Variants in RANBP2 observed in about 807,000 individuals in gnomAD.
RANBP2 encodes RAN binding protein 2, also known as E3 SUMO-protein ligase RanBP2.
RANBP2 carries 57 observed loss-of-function variants against 303.6 expected under a neutral mutation model. The observed-to-expected ratio is 0.19, with a 90% CI of 0.15 to 0.23. The LOEUF is 0.23. RANBP2 is among the 10% of genes least tolerant of loss of function. The pLI, the probability that RANBP2 is intolerant of heterozygous loss-of-function variation, is 1.00. For synonymous variants in RANBP2, 1,167 were observed against 1,301.5 expected (o/e 0.90, Z 2.23); for missense variants, 3,138 against 3,780.8 (o/e 0.83, Z 4.46).
At chr2:108,778,605 T>C (rs1678037487) in intron 25 of RANBP2, among the ~76,000 whole-genome samples, 1 of 152,264 alleles carries the variant, frequency 6.6e-6, no homozygotes, top group Non-Finnish European at 1.5e-5. Flanking sequence ...AGTGGGTGAT[T>C]CTAATGTGTT....
chr2:109,427,299 C>G, the RANBP2 span, among the ~76,000 whole-genome samples: 14 of 151,384 alleles, frequency 9.2e-5, no homozygotes, highest in South Asian at 2.1e-4. Flanking sequence ...AAGGTACTTA[C>G]ATTTTTTTAG....
At chr2:109,387,868 G>A in the RANBP2 span, among the ~76,000 whole-genome samples, 1 of 147,312 alleles carries the variant, frequency 6.8e-6, no homozygotes, top group East Asian at 2.0e-4. Context: ...TGGGGGGGGG[G>A]TCTCCTCCCC....
rs376200630 is a variant in RANBP2 at position 108,762,753 on chromosome 2, G to A, written c.2698-484G>A. 7.3e-5 allele frequency among the ~76,000 whole-genome samples: 11 copies of A among 151,538 alleles called. No individual in the cohort carries two copies. In the East Asian group the frequency reaches 1.2e-3, roughly 16 times the overall value. On this transcript the variant is annotated intron_variant, in intron 19 of 28. Transcript: ENST00000283195. ...ATGAGATAATAATGTAAAGTGCTTA[G>A]AACAGTGCCCAGCTGGCACATTAAT...
At chr2:109,379,327 A>G in the RANBP2 span, among the ~76,000 whole-genome samples, 3 of 152,226 alleles carry the variant, frequency 2.0e-5, no homozygotes, top group African/African-American at 7.2e-5. Context: ...TTTTCCTTAG[A>G]TGAGGAACTG....
At chr2:109,048,372 A>G in the RANBP2 span, among the ~76,000 whole-genome samples, 3 of 152,246 alleles carry the variant, frequency 2.0e-5, no homozygotes, top group Non-Finnish European at 2.9e-5. Context: ...TTTGGCAATT[A>G]TTTGATGCTA....
chr2:109,037,313 G>C, the RANBP2 span, among the ~76,000 whole-genome samples: 1 of 119,172 alleles, frequency 8.4e-6, no homozygotes, highest in African/African-American at 3.4e-5. Flanking sequence ...GACAGAGCAA[G>C]ACCATGTCTC....
chr2:109,591,600 T>C, the RANBP2 span, among the ~76,000 whole-genome samples: 1 of 152,150 alleles, frequency 6.6e-6, no homozygotes, highest in Non-Finnish European at 1.5e-5. Context: ...AATTATTTAA[T>C]CTTACTGAAT....
chr2:109,155,914 T>C, the RANBP2 span, among the ~76,000 whole-genome samples: 2 of 152,250 alleles, frequency 1.3e-5, no homozygotes, highest in Non-Finnish European at 2.9e-5. Flanking sequence ...TAACAAGTGC[T>C]GTATTGGATC....
chr2:109,589,412 G>C, the RANBP2 span, among the ~76,000 whole-genome samples: 2 of 152,030 alleles, frequency 1.3e-5, no homozygotes, highest in Non-Finnish European at 2.9e-5. Context: ...CATGCCTGTA[G>C]TCCCAGCTAC....
At chr2:109,552,905 G>C in the RANBP2 span, 1 of 669,524 alleles carries the variant, frequency 1.5e-6, no homozygotes, top group East Asian at 3.0e-5. Context: ...GAAGGCCAAA[G>C]TTTTCATTTA....
chr2:109,129,981 C>T, the RANBP2 span: 1 of 1,305,546 alleles, frequency 7.7e-7, no homozygotes, highest in African/African-American at 1.5e-5. Context: ...GTGCGGCCCC[C>T]ACGCTCGCGG....
At chr2:108,847,197 TG>T in the RANBP2 span, among the ~76,000 whole-genome samples, 1 of 152,342 alleles carries the variant, frequency 6.6e-6, no homozygotes, top group South Asian at 2.1e-4. Context: ...TATTTGTATT[TG>T]TCACATCAAA....
chr2:109,341,081 A>T, the RANBP2 span, among the ~76,000 whole-genome samples: 8 of 152,146 alleles, frequency 5.3e-5, no homozygotes, highest in Non-Finnish European at 4.4e-5. Flanking sequence ...CCTTTGTCTT[A>T]TTTCATCAAT....
chr2:108,765,048 GAAT>G lies in RANBP2; in HGVS notation c.4510_4512del (p.Asn1504del). On this transcript the variant is annotated inframe_deletion, in exon 20 of 29. Coordinates refer to ENST00000283195, the MANE Select transcript of RANBP2 (RefSeq NM_006267.5). ...GCTCTACAAAATGTGCTGCTTGTCA[GAAT>G]CCGAGAAAACAGAGTCTACCTGCTA... The G allele has an allele frequency of 6.2e-7, 1 of 1,613,990 alleles. No individual in the cohort carries two copies. Among genetic ancestry groups the G allele is most frequent in the Non-Finnish European group, 8.5e-7 (1 of 1,179,962 alleles).
chr2:108,967,761 A>G, the RANBP2 span, among the ~76,000 whole-genome samples: 1 of 152,154 alleles, frequency 6.6e-6, no homozygotes, highest in South Asian at 2.1e-4. Context: ...TAGACGGTGG[A>G]TTTCTGCTTG....
the RANBP2 span, among the ~76,000 whole-genome samples, chr2:109,195,906 C>T: frequency 1.3e-5 from 2 of 152,172 alleles, no homozygotes; most frequent in East Asian, 3.9e-4. Context: ...CTCAGGGTTG[C>T]ATTATCTCAT....
At chr2:109,010,433 A>G in the RANBP2 span, among the ~76,000 whole-genome samples, 1 of 151,500 alleles carries the variant, frequency 6.6e-6, no homozygotes, top group South Asian at 2.1e-4. Context: ...CATCATGTGC[A>G]TGCATCTTAG....
chr2:109,585,823 GA>G, the RANBP2 span: 1 of 1,607,790 alleles, frequency 6.2e-7, no homozygotes, highest in Non-Finnish European at 8.5e-7. Flanking sequence ...GTCAACGAAC[GA>G]ATGTTTTCTC....
chr2:109,028,958 TTTA>T, the RANBP2 span, among the ~76,000 whole-genome samples: 5 of 152,056 alleles, frequency 3.3e-5, no homozygotes, highest in Non-Finnish European at 7.3e-5. Flanking sequence ...TATTTATTTA[TTTA>T]TTTAGTAGAG....
Sources: gnomAD v4.1 joint callset for allele counts (sites outside exome capture counted in the v4.1 genomes callset) on GRCh38, gnomAD v4.1.1 for gene constraint, MANE v1.5 for transcripts, NCBI Gene and HGNC (gene_info 2026-07-23, HGNC 2026-07-21) for gene names.